KCNIP4: variants seen among roughly 807,000 people sequenced by gnomAD.
KCNIP4 encodes the protein potassium voltage-gated channel interacting protein 4, also known as Kv channel-interacting protein 4.
KCNIP4 carries 12 observed loss-of-function variants against 34.0 expected under a neutral mutation model. That is an observed-to-expected ratio of 0.35 (90% CI 0.23 to 0.57). The LOEUF (loss-of-function observed/expected upper bound fraction) is 0.57, where lower values mean the gene tolerates loss of function less well. KCNIP4 is among the 20% of genes least tolerant of loss of function. KCNIP4 has a pLI of 0.83. For missense variants in KCNIP4, 238 were observed against 311.7 expected (o/e 0.76, Z 1.78); for synonymous variants, 124 against 102.2 (o/e 1.21, Z -1.29).
chr4:21,879,301 T>C (rs913837648), intron 1 of KCNIP4, among the ~76,000 whole-genome samples: 1 of 152,210 alleles, frequency 6.6e-6, no homozygotes, highest in East Asian at 1.9e-4. Context: ...AGAGGTATCA[T>C]ATTGAAACCA....
intron 1 of KCNIP4, among the ~76,000 whole-genome samples, chr4:21,577,658 A>G (rs537495764): frequency 1.3e-5 from 2 of 150,182 alleles, no homozygotes; most frequent in East Asian, 3.9e-4. Context: ...ACAAACAAAC[A>G]AAAAACTGCA....
chr4:21,502,824 C>T (rs1560465858), intron 1 of KCNIP4, among the ~76,000 whole-genome samples: 1 of 152,108 alleles, frequency 6.6e-6, no homozygotes, highest in African/African-American at 2.4e-5. Flanking sequence ...CCTTAGCATG[C>T]TCTAAGGGGT....
At chr4:21,526,864 A>C (rs963893729) in intron 1 of KCNIP4, among the ~76,000 whole-genome samples, 7 of 152,344 alleles carry the variant, frequency 4.6e-5, no homozygotes, top group Middle Eastern at 3.4e-3. Context: ...CTCCAGTAGC[A>C]GATGAGTTTT....
chr4:21,927,255 T>C (rs1408704876), intron 1 of KCNIP4, among the ~76,000 whole-genome samples: 1 of 152,164 alleles, frequency 6.6e-6, no homozygotes, highest in Non-Finnish European at 1.5e-5. Flanking sequence ...AATTGTCCCA[T>C]ATCAAGGTCC....
intron 1 of KCNIP4, among the ~76,000 whole-genome samples, chr4:21,042,256 C>G (rs187984125): frequency 1.3e-5 from 2 of 152,256 alleles, no homozygotes; most frequent in Non-Finnish European, 1.5e-5. Context: ...TGCAGCACTA[C>G]TCACAATAGC....
intron 1 of KCNIP4, among the ~76,000 whole-genome samples, chr4:21,356,537 G>C (rs948956733): frequency 6.6e-6 from 1 of 152,104 alleles, no homozygotes; most frequent in Non-Finnish European, 1.5e-5. Context: ...CAAACACAGA[G>C]CCAAATCATG....
At chr4:21,309,014 G>A (rs927854576) in intron 1 of KCNIP4, among the ~76,000 whole-genome samples, 2 of 152,002 alleles carry the variant, frequency 1.3e-5, no homozygotes, top group African/African-American at 4.8e-5. Context: ...TACCCCTAAA[G>A]TGCAGTTTAT....
At chr4:21,366,320 C>T (rs970505942) in intron 1 of KCNIP4, among the ~76,000 whole-genome samples, 3 of 152,162 alleles carry the variant, frequency 2.0e-5, no homozygotes, top group Admixed American at 1.3e-4. Flanking sequence ...ATGCTGCATG[C>T]AACGCAGTGA....
chr4:21,633,093 A>C (rs1437816452), intron 1 of KCNIP4, among the ~76,000 whole-genome samples: 1 of 152,150 alleles, frequency 6.6e-6, no homozygotes, highest in Non-Finnish European at 1.5e-5. Flanking sequence ...TCTACTCTTT[A>C]GGGACTTTTG....
At chr4:21,265,156 GT>G (rs1761717090) in intron 1 of KCNIP4, among the ~76,000 whole-genome samples, 1 of 151,846 alleles carries the variant, frequency 6.6e-6, no homozygotes, top group South Asian at 2.1e-4. Flanking sequence ...CTAAAAGATG[GT>G]TTGGAATTCA....
intron 1 of KCNIP4, among the ~76,000 whole-genome samples, chr4:21,678,637 C>G (rs1394462159): frequency 6.6e-6 from 1 of 152,174 alleles, no homozygotes; most frequent in Non-Finnish European, 1.5e-5. Flanking sequence ...ACACATGGAA[C>G]ACAGCCTGCC....
chr4:20,929,993 T>C (rs1294514938), intron 1 of KCNIP4, among the ~76,000 whole-genome samples: 2 of 151,932 alleles, frequency 1.3e-5, no homozygotes, highest in African/African-American at 4.8e-5. Context: ...ATTTCAAGGA[T>C]ATGCATCACA....
At chr4:21,720,066 G>A (rs1272786750) in intron 1 of KCNIP4, among the ~76,000 whole-genome samples, 6 of 144,184 alleles carry the variant, frequency 4.2e-5, no homozygotes, top group East Asian at 4.2e-4. Context: ...AGAAGAAGAA[G>A]AAAAAAAAAA....
chr4:21,035,695 G>T (rs11734420), intron 1 of KCNIP4, among the ~76,000 whole-genome samples: 70 of 152,278 alleles, frequency 4.6e-4, no homozygotes, highest in African/African-American at 1.5e-3. Flanking sequence ...TATAATGTAC[G>T]ATTGTAGTGG....
chr4:21,838,642 A>AGAT (rs1408141206), intron 1 of KCNIP4, among the ~76,000 whole-genome samples: 1 of 152,198 alleles, frequency 6.6e-6, no homozygotes, highest in East Asian at 1.9e-4. Context: ...ATCACTTAAA[A>AGAT]GATAGTACAG....
At chr4:21,594,966 T>TA (rs1308354332) in intron 1 of KCNIP4, among the ~76,000 whole-genome samples, 2 of 152,002 alleles carry the variant, frequency 1.3e-5, no homozygotes, top group African/African-American at 4.8e-5. Flanking sequence ...TTACTTTTTT[T>TA]AAAAAAATTT....
intron 1 of KCNIP4, among the ~76,000 whole-genome samples, chr4:21,916,642 C>A (rs1220226356): frequency 6.6e-6 from 1 of 152,158 alleles, no homozygotes; most frequent in East Asian, 1.9e-4. Context: ...TTTCAAAGAA[C>A]CACCACTTTC....
intron 1 of KCNIP4, among the ~76,000 whole-genome samples, chr4:21,519,528 ATGTG>A (rs1735188263): frequency 1.7e-5 from 1 of 58,910 alleles, no homozygotes; most frequent in Admixed American, 1.4e-4. Flanking sequence ...ATATGTGTGT[ATGTG>A]TATGTGTATA....
chr4:21,888,913 C>T (rs1726935847), intron 1 of KCNIP4, among the ~76,000 whole-genome samples: 1 of 152,138 alleles, frequency 6.6e-6, no homozygotes. Flanking sequence ...TTTACTACTA[C>T]AAGTTAAGCA....
Sources: gnomAD v4.1 joint callset for allele counts (sites outside exome capture counted in the v4.1 genomes callset) on GRCh38, gnomAD v4.1.1 for gene constraint, MANE v1.5 for transcripts, NCBI Gene and HGNC (gene_info 2026-07-23, HGNC 2026-07-21) for gene names.